Variants in PSME3 observed in about 807,000 individuals in gnomAD.
PSME3 encodes proteasome activator complex subunit 3.
Under a neutral mutation model 38.3 loss-of-function variants are expected in PSME3, and 7 were observed. The ratio of observed to expected loss-of-function variants is 0.18; its 90% CI spans 0.10 to 0.34. The LOEUF is 0.34. PSME3 is among the 10% of genes least tolerant of loss of function. PSME3 has a pLI of 1.00. For synonymous variants in PSME3, 108 were observed against 105.7 expected (o/e 1.02, Z -0.13); for missense variants, 192 against 307.6 (o/e 0.62, Z 2.81).
chr17:42,843,423 T>A lies in PSME3; in HGVS notation c.*1845T>A, dbSNP rs2055558551. On this transcript the variant is annotated 3_prime_UTR_variant, in exon 11 of 11. Transcript: ENST00000590720. Reference sequence around the variant, plus strand: ...TGAGGCTTCTGCCTACTGAGCAAGGTTGGGTGCTTCATTTGTGTTCAGTCT... The same window carrying A: ...TGAGGCTTCTGCCTACTGAGCAAGGATGGGTGCTTCATTTGTGTTCAGTCT... The A allele has an allele frequency of 6.6e-6, 1 of 152,330 alleles. No homozygotes were observed. The highest frequency in any genetic ancestry group is 2.4e-5 in the African/African-American group (1 of 41,426). 9.4% of individuals were successfully genotyped at this position (152,330 alleles called of 1,614,324 possible). A position where few individuals can be genotyped will look rare whatever the true frequency, so the allele number is the denominator to read the frequency against.
intron 5 of PSME3, 190 bp downstream of exon 5, chr17:42,837,887 A>T: frequency 1.2e-6 from 1 of 865,308 alleles, no homozygotes; most frequent in Non-Finnish European, 1.8e-6. Flanking sequence ...TAAACAGAGG[A>T]TTTAAGACTT....
chr17:42,834,812 C>A lies in PSME3; in HGVS notation c.179C>A (p.Ser60Tyr). The change falls in exon 4 of 11, where the codon TCT becomes TAT. Residue 60 changes from serine to tyrosine, a missense_variant. Ser to Tyr is a moderately radical substitution (Grantham distance 144). This residue lies in a region of PSME3 where 110 missense variants were observed against 139.3 expected (regional missense o/e 0.79). Coordinates refer to ENST00000590720, the MANE Select transcript of PSME3 (RefSeq NM_005789.4). The part of the protein sequence containing the change: ...LNIHDLTQIH[S>Y]DMNLPVPDPI... ...ATCCATGACCTAACTCAGATCCACT[C>A]TGACATGAATCTCCCAGTCCCTGAC... The A allele has an allele frequency of 1.2e-6, 2 of 1,614,122 alleles. No homozygotes were observed. The highest frequency in any genetic ancestry group is 1.1e-5 in the South Asian group (1 of 91,074).
intron 8 of PSME3, 37 bp downstream of exon 8, chr17:42,839,049 T>G: frequency 6.2e-7 from 1 of 1,607,990 alleles, no homozygotes. Flanking sequence ...CGTTGGGGGC[T>G]GATGAGGTGG....
At chr17:42,834,992 C>T in intron 4 of PSME3, 116 bp downstream of exon 4, 4 of 1,443,610 alleles carry the variant, frequency 2.8e-6, no homozygotes, top group Non-Finnish European at 3.7e-6. Context: ...GGAACTAGGA[C>T]TCTGTTACAG....
At chr17:42,834,191 T>C (rs1237207898) in intron 1 of PSME3, 153 bp from the exon 2 acceptor site, 1 of 1,536,748 alleles carries the variant, frequency 6.5e-7, no homozygotes, top group Non-Finnish European at 8.8e-7. Context: ...GATGGAAAAA[T>C]GGATCCTCAA....
In PSME3 at chr17:42,838,316, T is replaced by G. The variant is rs1026873745; in HGVS notation, c.405+111T>G. 4.3e-5 allele frequency: 59 copies of G among 1,370,932 alleles called. No individual in the cohort carries two copies. The South Asian group carries it at 5.5e-4, about 13-fold the overall frequency. The allele number at this position is 1,370,932 out of a possible 1,614,324, so 84.9% of individuals were successfully genotyped here. A position where few individuals can be genotyped will look rare whatever the true frequency, so the allele number is the denominator to read the frequency against. On this transcript the variant is annotated intron_variant, in intron 6 of 10. Transcript: ENST00000590720. ...AATTGGCAGACTAGGTTTTTTTGAG[T>G]TTTTTTTTTGAGATGGGGTCTCGCT...
intron 4 of PSME3, among the ~76,000 whole-genome samples, chr17:42,836,000 CT>C (rs1210980760): frequency 0.014 from 1,832 of 128,502 alleles, 40 homozygotes; most frequent in Admixed American, 0.065. Context: ...CAGGAACTAT[CT>C]TTTTTTTTTT....
At chr17:42,833,988 C>A in intron 1 of PSME3, 1 of 1,436,394 alleles carries the variant, frequency 7.0e-7, no homozygotes, top group South Asian at 1.5e-5. Flanking sequence ...CTGCCCTTGG[C>A]GGCTGGCCTG....
rs145236047 is a variant in PSME3 at position 42,833,768 on chromosome 17, G to T, written c.42+95G>T. ...CCCATGGCGTCTTTGTCTCCCTGGGGATACCAGCTCTGAGCTTCCGCTCGG... is the reference window on the plus strand; with the variant it reads ...CCCATGGCGTCTTTGTCTCCCTGGGTATACCAGCTCTGAGCTTCCGCTCGG... On this transcript the variant is annotated intron_variant, in intron 1 of 10. Coordinates refer to ENST00000590720, the MANE Select transcript of PSME3 (RefSeq NM_005789.4). 458 of 1,610,506 alleles carry T rather than the reference G, an allele frequency of 2.8e-4. 1 individual carries two copies. The highest frequency in any genetic ancestry group is 3.6e-4 in the Non-Finnish European group (430 of 1,178,456).
chr17:42,833,481 C>A lies in PSME3; in HGVS notation c.-151C>A. Reference sequence around the variant, plus strand: ...AGGCTGCCGGCGGGCGGGCGGACGGCACAGAGGGAGGGAGCGAGCGAGCAG... The same window carrying A: ...AGGCTGCCGGCGGGCGGGCGGACGGAACAGAGGGAGGGAGCGAGCGAGCAG... On this transcript the variant is annotated 5_prime_UTR_variant, in exon 1 of 11. Coordinates refer to ENST00000590720, the MANE Select transcript of PSME3 (RefSeq NM_005789.4). The A allele has an allele frequency of 2.2e-6, 2 of 924,128 alleles. No homozygotes were observed. The highest frequency in any genetic ancestry group is 3.3e-6 in the Non-Finnish European group (2 of 604,742). The allele number at this position is 924,128 out of a possible 1,614,324, so 57.2% of individuals were successfully genotyped here.
intron 4 of PSME3, among the ~76,000 whole-genome samples, chr17:42,836,721 T>C (rs1418039586): frequency 6.6e-6 from 1 of 151,694 alleles, no homozygotes; most frequent in Non-Finnish European, 1.5e-5. Context: ...GCCATCACAT[T>C]CAGCTAGTTT....
rs752152316 is a variant in PSME3 at position 42,834,544 on chromosome 17, A to G, written c.105A>G (p.Pro35=). 3 of 1,613,838 alleles carry G rather than the reference A, an allele frequency of 1.9e-6. No individual in the cohort carries two copies. Among genetic ancestry groups the G allele is most frequent in the South Asian group, 2.2e-5 (2 of 91,080 alleles). The change falls in exon 3 of 11, where the codon CCA becomes CCG. Residue 35 remains proline, a synonymous_variant. Coordinates refer to ENST00000590720, the MANE Select transcript of PSME3 (RefSeq NM_005789.4). The part of the protein sequence containing the change: ...EAEDLVANFF[P]KKLLELDSFL... ...AAGACTTGGTGGCAAATTTTTTCCC[A>G]AAGAAGTTATTAGAACTTGATAGTT...
At chr17:42,834,458 G>GAGAGAGAGAGAGAGAC in intron 2 of PSME3, 57 bp from the exon 3 acceptor site, 1 of 1,608,904 alleles carries the variant, frequency 6.2e-7, no homozygotes, top group African/African-American at 1.3e-5. Flanking sequence ...GAGAGAGAGA[G>GAGAGAGAGAGAGAGAC]AGAGAGAGAG....
chr17:42,840,346 C>T (rs550576108), intron 10 of PSME3, among the ~76,000 whole-genome samples: 58 of 151,628 alleles, frequency 3.8e-4, no homozygotes, highest in African/African-American at 1.3e-3. Context: ...TGGATCACAC[C>T]TGTAATGCCA....
At chr17:42,836,870 TTTTC>T (rs1011233120) in intron 4 of PSME3, among the ~76,000 whole-genome samples, 2 of 150,638 alleles carry the variant, frequency 1.3e-5, no homozygotes, top group Non-Finnish European at 3.0e-5. Flanking sequence ...CCCAAGAACC[TTTTC>T]TTTATTTCCT....
rs1164656739 is a variant in PSME3 at position 42,838,863 on chromosome 17, T to TA, written c.474+65dup. On this transcript the variant is annotated intron_variant, in intron 7 of 10. Transcript: ENST00000590720. ...GGAGATACTCTCATCTCCCCTGCGTTACCTTTTTTTCCTTTTTCTTTGGGG... is the reference window on the plus strand; with the variant it reads ...GGAGATACTCTCATCTCCCCTGCGTTAACCTTTTTTTCCTTTTTCTTTGGGG... 5.7e-6 allele frequency: 9 copies of TA among 1,586,510 alleles called. No homozygotes were observed. In the Admixed American group the frequency reaches 1.2e-4, roughly 21 times the overall value.
At chr17:42,839,904 G>A (rs999272288) in intron 10 of PSME3, among the ~76,000 whole-genome samples, 4 of 152,068 alleles carry the variant, frequency 2.6e-5, no homozygotes, top group Admixed American at 6.5e-5. Flanking sequence ...GCTGAGGCAG[G>A]AGAATCACTT....
intron 4 of PSME3, 92 bp from the exon 5 acceptor site, chr17:42,837,557 C>G (rs1026698078): frequency 2.4e-6 from 3 of 1,245,022 alleles, no homozygotes; most frequent in African/African-American, 3.0e-5. Context: ...AGCTATGAGG[C>G]TGAGGAAGGG....
chr17:42,834,851 C>T lies in PSME3; in HGVS notation c.218C>T (p.Thr73Ile). 1 of 1,613,988 alleles carries T rather than the reference C, an allele frequency of 6.2e-7. No individual in the cohort carries two copies. The highest frequency in any genetic ancestry group is 8.5e-7 in the Non-Finnish European group (1 of 1,179,954). Residue 73 changes from threonine to isoleucine, a missense_variant, in exon 4 of 11, where the codon ACC becomes ATC. Transcript: ENST00000590720. ...NLPVPDPILL[T>I]NSHDGLDGPT... Reference sequence around the variant, plus strand: ...CCAGTCCCTGACCCCATTCTTCTCACCAATAGCCATGATGGACTGGATGGT... The same window carrying T: ...CCAGTCCCTGACCCCATTCTTCTCATCAATAGCCATGATGGACTGGATGGT...
Sources: allele counts gnomAD v4.1 joint callset (sites outside exome capture counted in the v4.1 genomes callset), GRCh38; gene constraint gnomAD v4.1.1; regional missense constraint gnomAD v4.1.1; transcripts MANE v1.5; gene names NCBI Gene and HGNC (gene_info 2026-07-23, HGNC 2026-07-21).